Variants in TMEM132D observed in about 807,000 individuals in gnomAD.
TMEM132D encodes mature OL transmembrane protein.
TMEM132D carries 21 observed loss-of-function variants against 62.3 expected under a neutral mutation model. The ratio of observed to expected loss-of-function variants is 0.34; its 90% CI spans 0.24 to 0.49. The LOEUF is 0.49. Ranked by LOEUF, TMEM132D falls within the 20% of genes least tolerant of loss-of-function variation. TMEM132D has a pLI of 0.99. For synonymous variants in TMEM132D, 621 were observed against 575.6 expected, an observed-to-expected ratio of 1.08 and a Z score of -1.13; for missense variants, 1,346 against 1,402.8, an observed-to-expected ratio of 0.96 and a Z score of 0.65.
In TMEM132D at chr12:129,728,422, T is replaced by C. The variant is rs145850333; in HGVS notation, c.80-27724A>G. Among the ~76,000 whole-genome samples the C allele has an allele frequency of 7.3e-3, 1,109 of 152,300 alleles. 11 individuals are homozygous for C. The highest frequency in any genetic ancestry group is 0.025 in the African/African-American group (1,059 of 41,560). On this transcript the variant is annotated intron_variant, in intron 1 of 8. Coordinates refer to ENST00000422113, the MANE Select transcript of TMEM132D (RefSeq NM_133448.3). ...CTGAGTAATTATAATTAATGGGGTG[T>C]CCACTCAGTTTTGCCTGGAAATTCT...
At chr12:129,814,626 A>AG (rs1327737394) in intron 1 of TMEM132D, among the ~76,000 whole-genome samples, 22 of 151,184 alleles carry the variant, frequency 1.5e-4, no homozygotes, top group African/African-American at 4.6e-4. Flanking sequence ...AAAAAAAAAA[A>AG]AAAAACTAAA....
At chr12:129,213,093 C>T (rs988635507) in intron 4 of TMEM132D, among the ~76,000 whole-genome samples, 9 of 151,896 alleles carry the variant, frequency 5.9e-5, no homozygotes, top group Non-Finnish European at 8.8e-5. Context: ...GTAGATTAAA[C>T]CAGTTATCAC....
intron 2 of TMEM132D, among the ~76,000 whole-genome samples, chr12:129,697,334 C>T (rs1338286728): frequency 6.6e-6 from 1 of 152,156 alleles, no homozygotes; most frequent in African/African-American, 2.4e-5. Flanking sequence ...AAATTGACTT[C>T]ATTTAAAAAG....
At chr12:129,332,987 A>G (rs1869159095) in intron 4 of TMEM132D, among the ~76,000 whole-genome samples, 1 of 152,212 alleles carries the variant, frequency 6.6e-6, no homozygotes, top group African/African-American at 2.4e-5. Context: ...TACACTTACA[A>G]TGGTTAAGAT....
intron 4 of TMEM132D, among the ~76,000 whole-genome samples, chr12:129,325,631 G>C (rs1868885661): frequency 6.6e-6 from 1 of 152,148 alleles, no homozygotes; most frequent in African/African-American, 2.4e-5. Context: ...ATGCACTCCA[G>C]CCTTCATGAA....
intron 1 of TMEM132D, among the ~76,000 whole-genome samples, chr12:129,763,309 C>A (rs147528623): frequency 6.6e-6 from 1 of 152,288 alleles, no homozygotes; most frequent in East Asian, 1.9e-4. Flanking sequence ...AACTCCTGGG[C>A]TCAAGCTATC....
intron 2 of TMEM132D, among the ~76,000 whole-genome samples, chr12:129,557,674 C>T (rs1373453959): frequency 1.3e-5 from 2 of 152,136 alleles, no homozygotes; most frequent in Admixed American, 6.5e-5. Flanking sequence ...TGTGATCACA[C>T]CATTGCACTC....
intron 3 of TMEM132D, among the ~76,000 whole-genome samples, chr12:129,352,773 G>A (rs1047765837): frequency 3.3e-5 from 5 of 152,152 alleles, no homozygotes; most frequent in Non-Finnish European, 5.9e-5. Flanking sequence ...AGATGTTGGC[G>A]AGGCTGTGGA....
At position 129,464,429 on chromosome 12, in the gene TMEM132D, C is replaced by T. The variant is rs987375632; in HGVS notation, c.1115+66630G>A. 1.1e-4 allele frequency among the ~76,000 whole-genome samples: 17 copies of T among 152,198 alleles called. 1 individual carries two copies. The highest frequency in any genetic ancestry group is 3.9e-4 in the African/African-American group (16 of 41,546). On this transcript the variant is annotated intron_variant, in intron 3 of 8. Transcript: ENST00000422113. ...TCTCCCATTTTGTAGGTTGCCTGTT[C>T]ACTCTGATGGTAGTTTCTTTTGCTG...
intron 1 of TMEM132D, among the ~76,000 whole-genome samples, chr12:129,862,884 T>G (rs540824419): frequency 1.1e-4 from 16 of 151,646 alleles, no homozygotes; most frequent in Middle Eastern, 6.8e-3. Flanking sequence ...AAAAAAAAGC[T>G]ATAGCAGCTC....
intron 4 of TMEM132D, among the ~76,000 whole-genome samples, chr12:129,294,533 C>T (rs1323034521): frequency 6.6e-6 from 1 of 152,190 alleles, no homozygotes; most frequent in Non-Finnish European, 1.5e-5. Flanking sequence ...TTACCCTTTC[C>T]AGAGGGCTAC....
At chr12:129,409,897 A>G (rs1196410827) in intron 3 of TMEM132D, among the ~76,000 whole-genome samples, 3 of 152,214 alleles carry the variant, frequency 2.0e-5, no homozygotes, top group Non-Finnish European at 4.4e-5. Flanking sequence ...GACATAGCAG[A>G]GACTCTGCTT....
intron 2 of TMEM132D, among the ~76,000 whole-genome samples, chr12:129,672,368 C>T (rs768647746): frequency 5.9e-5 from 9 of 152,192 alleles, no homozygotes; most frequent in Non-Finnish European, 1.2e-4. Context: ...CAAAGGGAGC[C>T]CAGCTCGTCA....
chr12:129,096,314 G>A (rs1218552118), intron 5 of TMEM132D, among the ~76,000 whole-genome samples: 1 of 152,122 alleles, frequency 6.6e-6, no homozygotes, highest in East Asian at 1.9e-4. Flanking sequence ...GTGGGATCGT[G>A]AGGTCTCTGG....
Position 129,531,199 on chromosome 12 carries a change from C to T in TMEM132D, c.975G>A (p.Lys325=), listed in dbSNP as rs1876209725. 1 of 1,610,594 alleles carries T rather than the reference C, an allele frequency of 6.2e-7. No homozygotes were observed. Residue 325 remains lysine, a synonymous_variant, in exon 3 of 9, where the codon AAG becomes AAA. Transcript: ENST00000422113. ...CGATGATGTTCACGCCTTTCTTCAC[C>T]TTTGCCCTGTTGGAGACAGCACGTG... The part of the protein sequence containing the change: ...STEDRFTLRA[K]VKKGVNIIGV...
At chr12:129,588,740 ATTTTTTTCTTTTTTT>A (rs1392433637) in intron 2 of TMEM132D, among the ~76,000 whole-genome samples, 2 of 31,122 alleles carry the variant, frequency 6.4e-5, no homozygotes, top group African/African-American at 2.0e-4. Flanking sequence ...ACGCCCAGCT[ATTTTTTTCTTTTTTT>A]TTTTTTTTTT....
chr12:129,203,595 T>C (rs577191472), intron 5 of TMEM132D, among the ~76,000 whole-genome samples: 9 of 152,326 alleles, frequency 5.9e-5, no homozygotes, highest in African/African-American at 1.2e-4. Context: ...GTCCTACTTC[T>C]GCCTAAATTT....
At chr12:129,605,622 T>TACACACACATATATATATAC (rs1878602916) in intron 2 of TMEM132D, among the ~76,000 whole-genome samples, 30 of 126,822 alleles carry the variant, frequency 2.4e-4, no homozygotes, top group South Asian at 2.6e-4. Context: ...CATATATATA[T>TACACACACATATATATATAC]ACACACACAC....
At chr12:129,285,539 A>AAAAAAAAG (rs56018646) in intron 4 of TMEM132D, among the ~76,000 whole-genome samples, 6 of 90,028 alleles carry the variant, frequency 6.7e-5, no homozygotes, top group African/African-American at 1.9e-4. Context: ...AAAAAAAAAA[A>AAAAAAAAG]AGAGAGAGAG....
Sources: allele counts gnomAD v4.1 joint callset (sites outside exome capture counted in the v4.1 genomes callset), GRCh38; gene constraint gnomAD v4.1.1; transcripts MANE v1.5; gene names NCBI Gene and HGNC (gene_info 2026-07-23, HGNC 2026-07-21).